Variants in AGAP1 observed in about 807,000 individuals in gnomAD.
AGAP1 encodes ArfGAP with GTPase domain, ankyrin repeat and PH domain 1, also known as arf-GAP with GTPase, ANK repeat and PH domain-containing protein 1.
AGAP1 carries 29 observed loss-of-function variants against 105.3 expected under a neutral mutation model. That is an observed-to-expected ratio of 0.28 (90% CI 0.21 to 0.38). The LOEUF is 0.38. Ranked by LOEUF, AGAP1 falls within the 10% of genes least tolerant of loss-of-function variation. The pLI is 1.00. For missense variants in AGAP1, 998 were observed against 1,165.1 expected (o/e 0.86, Z 2.09); for synonymous variants, 509 against 485.9 (o/e 1.05, Z -0.63).
rs910412953 is a variant in AGAP1, at chr2:235,612,743, C to T, written c.164-96436C>T. On this transcript the variant is annotated intron_variant, in intron 1 of 17. Coordinates refer to ENST00000304032, the MANE Select transcript of AGAP1 (RefSeq NM_001037131.3). The surrounding 1 kb of genome is among the most constrained non-coding windows in gnomAD (Gnocchi z 4.3). ...GGCCGGCCAGGTGTGCTGAGTGCCA[C>T]CTGGGCTTGCATGCCGGACGCATAC... is the stretch of plus-strand genomic sequence containing the variant. Among the ~76,000 whole-genome samples the T allele has an allele frequency of 6.6e-6, 1 of 152,136 alleles. No individual in the cohort carries two copies. Among genetic ancestry groups the T allele is most frequent in the Non-Finnish European group, 1.5e-5 (1 of 68,028 alleles).
chr2:235,955,221 T>G lies in AGAP1; in HGVS notation c.1484-13241T>G, dbSNP rs145961996. Among the ~76,000 whole-genome samples the G allele has an allele frequency of 5.1e-3, 772 of 152,278 alleles. 8 individuals carry two copies. Among genetic ancestry groups the G allele is most frequent in the African/African-American group, 0.018 (730 of 41,552 alleles). On this transcript the variant is annotated intron_variant, in intron 12 of 17. Coordinates refer to ENST00000304032, the MANE Select transcript of AGAP1 (RefSeq NM_001037131.3). ...TGCGGTTCCAGTTCATGGAGCACTG[T>G]GCAGTTTTCTCCCTGACCTCCATCT... is the stretch of plus-strand genomic sequence containing the variant.
chr2:235,972,273 C>T (rs1412521356), intron 13 of AGAP1, among the ~76,000 whole-genome samples: 1 of 152,104 alleles, frequency 6.6e-6, no homozygotes, highest in Non-Finnish European at 1.5e-5. Context: ...TTAATATACC[C>T]TATTGGAACA....
intron 1 of AGAP1, among the ~76,000 whole-genome samples, chr2:235,561,312 A>G (rs1415222647): frequency 6.6e-6 from 1 of 152,232 alleles, no homozygotes; most frequent in African/African-American, 2.4e-5. Flanking sequence ...GAAACCTTGT[A>G]GGTCAGGAGC....
At chr2:235,617,051 G>T (rs1675343066) in intron 1 of AGAP1, among the ~76,000 whole-genome samples, 1 of 151,664 alleles carries the variant, frequency 6.6e-6, no homozygotes, top group South Asian at 2.1e-4. Flanking sequence ...TTATGAATTT[G>T]CTGTAAAGAA....
rs914829109 is a variant in AGAP1, at chr2:235,993,201, G to A, written c.1645+24578G>A. ...ACACCAAACTGTTTGTGGGGAGGAG[G>A]GTGATTTGCAGTGATCTTTTCCTCA... is the stretch of plus-strand genomic sequence containing the variant. On this transcript the variant is annotated intron_variant, in intron 13 of 17. Transcript: ENST00000304032. This position sits in a 1 kb window ranked among gnomAD's most constrained non-coding sequence, Gnocchi z 5.0. 1.3e-5 allele frequency among the ~76,000 whole-genome samples: 2 copies of A among 152,134 alleles called. No individual in the cohort carries two copies. The highest frequency in any genetic ancestry group is 4.8e-5 in the African/African-American group (2 of 41,424).
At chr2:235,682,933 G>A (rs76462569) in intron 1 of AGAP1, among the ~76,000 whole-genome samples, 1 of 152,228 alleles carries the variant, frequency 6.6e-6, no homozygotes, top group East Asian at 1.9e-4. Flanking sequence ...CTGGAAGGAA[G>A]TGTGGCTACC....
At chr2:236,052,628 T>C (rs553670910) in intron 16 of AGAP1, among the ~76,000 whole-genome samples, 3 of 152,126 alleles carry the variant, frequency 2.0e-5, no homozygotes, top group African/African-American at 7.2e-5. Context: ...AACAGGGGAA[T>C]CATTAGTCAA....
At position 235,957,307 on chromosome 2, in the gene AGAP1, G is replaced by GT. The variant is rs2053991973; in HGVS notation, c.1484-11154dup. ...CTGGGCGTAATTGAAAATGGCCCAA[G>GT]TAGGCAATTCTTCTCTCCTGTGTGT... is the stretch of plus-strand genomic sequence containing the variant. On this transcript the variant is annotated intron_variant, in intron 12 of 17. Coordinates refer to ENST00000304032, the MANE Select transcript of AGAP1 (RefSeq NM_001037131.3). The surrounding 1 kb of genome is among the most constrained non-coding windows in gnomAD (Gnocchi z 4.6). Among the ~76,000 whole-genome samples the GT allele has an allele frequency of 6.6e-6, 1 of 152,190 alleles. No homozygotes were observed. The highest frequency in any genetic ancestry group is 2.4e-5 in the African/African-American group (1 of 41,448).
chr2:235,742,900 C>T (rs1312844905), intron 4 of AGAP1, among the ~76,000 whole-genome samples: 1 of 152,204 alleles, frequency 6.6e-6, no homozygotes, highest in Non-Finnish European at 1.5e-5. Context: ...GGTGCAGCGG[C>T]TCACACCTGT....
chr2:235,506,024 A>G (rs984811430), intron 1 of AGAP1, among the ~76,000 whole-genome samples: 2 of 148,406 alleles, frequency 1.3e-5, no homozygotes, highest in Non-Finnish European at 3.0e-5. Flanking sequence ...TTTGCCTCCC[A>G]GGTTCAAGTG....
chr2:236,023,727 G>A (rs1485964083), intron 13 of AGAP1, among the ~76,000 whole-genome samples: 1 of 152,152 alleles, frequency 6.6e-6, no homozygotes, highest in Non-Finnish European at 1.5e-5. Context: ...GGCTGAGCAT[G>A]TCATCTCTGC....
chr2:235,955,178 G>A lies in AGAP1; in HGVS notation c.1484-13284G>A, dbSNP rs1416262414. 2.0e-5 allele frequency among the ~76,000 whole-genome samples: 3 copies of A among 152,252 alleles called. No homozygotes were observed. The East Asian group carries it at 5.8e-4, about 29-fold the overall frequency. On this transcript the variant is annotated intron_variant, in intron 12 of 17. Transcript: ENST00000304032. ...TGGCCAGGTGGCTAGGCTGGGGCTG[G>A]AGCTGCCTTCGAGTCTGTGCGGTTC...
intron 1 of AGAP1, among the ~76,000 whole-genome samples, chr2:235,533,695 T>C (rs911920215): frequency 6.6e-6 from 1 of 152,232 alleles, no homozygotes; most frequent in Non-Finnish European, 1.5e-5. Flanking sequence ...AAAATAGCAC[T>C]GGGAGGCCAG....
chr2:235,870,427 G>A (rs1290285645), intron 9 of AGAP1, among the ~76,000 whole-genome samples: 1 of 152,200 alleles, frequency 6.6e-6, no homozygotes, highest in Non-Finnish European at 1.5e-5. Context: ...AGGAGTTCAA[G>A]ACCAGCCTAG....
In AGAP1 at chr2:235,599,410, C is replaced by G. The variant is rs965515582; in HGVS notation, c.163+104561C>G. Among the ~76,000 whole-genome samples, 18 of 152,184 alleles carry G rather than the reference C, an allele frequency of 1.2e-4. 1 individual carries two copies. Among genetic ancestry groups the G allele is most frequent in the African/African-American group, 4.3e-4 (18 of 41,522 alleles). On this transcript the variant is annotated intron_variant, in intron 1 of 17. Coordinates refer to ENST00000304032, the MANE Select transcript of AGAP1 (RefSeq NM_001037131.3). The surrounding 1 kb of genome is among the most constrained non-coding windows in gnomAD (Gnocchi z 5.3). ...GGAAGTGGATGCTGCAGGGTGAGCT[C>G]TGGGCGACCCAGGAGGAAGTATTTG... is the stretch of plus-strand genomic sequence containing the variant.
intron 11 of AGAP1, among the ~76,000 whole-genome samples, chr2:235,925,716 A>AAAC (rs2052414910): frequency 1.3e-5 from 2 of 152,184 alleles, no homozygotes; most frequent in Admixed American, 1.3e-4. Flanking sequence ...ACGTGGGTTT[A>AAAC]GGTCCCCTGC....
At position 235,744,775 on chromosome 2, in the gene AGAP1, C is replaced by T; in HGVS notation, c.474C>T (p.Tyr158=). The T allele has an allele frequency of 6.2e-7, 1 of 1,614,052 alleles. No individual in the cohort carries two copies. The highest frequency in any genetic ancestry group is 1.1e-5 in the South Asian group (1 of 91,080). ...TAAGTTTCCAGACCGTTTACCACTA[C>T]TACAGTCGAATGGCCAACTATCGGA... The part of the protein sequence containing the change: ...DEISFQTVYH[Y]YSRMANYRNT... The change falls in exon 5 of 18, where the codon TAC becomes TAT. Residue 158 remains tyrosine (Y), a synonymous_variant. Coordinates refer to ENST00000304032, the MANE Select transcript of AGAP1 (RefSeq NM_001037131.3). This position sits in a 1 kb window ranked among gnomAD's most constrained non-coding sequence, Gnocchi z 5.2.
At chr2:236,072,101 C>T (rs2058511242) in intron 16 of AGAP1, among the ~76,000 whole-genome samples, 1 of 149,008 alleles carries the variant, frequency 6.7e-6, no homozygotes, top group African/African-American at 2.5e-5. Context: ...TGTCTGTTCT[C>T]TCCAAAAGTA....
Position 236,124,085 on chromosome 2 carries a change from G to A in AGAP1, c.2537G>A (p.Arg846Gln), listed in dbSNP as rs544625578. Reference sequence around the variant, plus strand: ...AACCTGTCCAGGAGAAACAATAACCGGAACAACAGCAGTGGGAGGGTGCCC... The same window carrying A: ...AACCTGTCCAGGAGAAACAATAACCAGAACAACAGCAGTGGGAGGGTGCCC... ...TPNLSRRNNN[R>Q]NNSSGRVPTI... Residue 846 changes from arginine to glutamine, a missense_variant, in exon 18 of 18, where the codon CGG (arginine) becomes CAG (glutamine). By Grantham distance (43) the Arg-to-Gln change is conservative. This residue lies in a region of AGAP1 where 235 missense variants were observed against 270.7 expected (regional missense o/e 0.87). Transcript: ENST00000304032. The surrounding 1 kb of genome is among the most constrained non-coding windows in gnomAD (Gnocchi z 5.1). The A allele has an allele frequency of 1.4e-5, 23 of 1,614,054 alleles. No individual in the cohort carries two copies. Among genetic ancestry groups the A allele is most frequent in the Middle Eastern group, 1.6e-4 (1 of 6,062 alleles).
Sources: allele counts gnomAD v4.1 joint callset (sites outside exome capture counted in the v4.1 genomes callset), GRCh38; gene constraint gnomAD v4.1.1; regional missense constraint gnomAD v4.1.1; non-coding constraint Gnocchi (gnomAD v3.1); transcripts MANE v1.5; gene names NCBI Gene and HGNC (gene_info 2026-07-23, HGNC 2026-07-21).